RAP1GAP: variants seen among roughly 807,000 people sequenced by gnomAD.
The protein encoded by RAP1GAP is RAP1 GTPase activating protein.
A neutral mutation model predicts 87.2 loss-of-function variants in RAP1GAP; 35 were observed. The observed-to-expected ratio is 0.40, with a 90% CI of 0.31 to 0.53. RAP1GAP has a LOEUF of 0.53. Among genes scored for constraint, RAP1GAP ranks in the 20% least tolerant of loss-of-function variants. The pLI, the probability that RAP1GAP is intolerant of heterozygous loss-of-function variation, is 0.48. For missense variants in RAP1GAP, 734 were observed against 898.9 expected (o/e 0.82, Z 2.35); for synonymous variants, 375 against 363.9 (o/e 1.03, Z -0.35).
At chr1:21,628,446 G>A (rs575790122) in intron 2 of RAP1GAP, among the ~76,000 whole-genome samples, 1 of 150,016 alleles carries the variant, frequency 6.7e-6, no homozygotes, top group South Asian at 2.1e-4. Flanking sequence ...CAGGCTGGGC[G>A]TGGTGGCTCA....
chr1:21,628,399 CTAAA>C, intron 2 of RAP1GAP, among the ~76,000 whole-genome samples: 1 of 49,348 alleles, frequency 2.0e-5, no homozygotes, highest in Non-Finnish European at 3.4e-5. Flanking sequence ...CCCATCTCTA[CTAAA>C]AAAAAAAAAA....
chr1:21,603,011 CAG>C lies in RAP1GAP; in HGVS notation c.1429-100_1429-99del. The C allele has an allele frequency of 1.2e-6, 1 of 826,378 alleles. No homozygotes were observed. The allele number at this position is 826,378 out of a possible 1,614,324, so 51.2% of individuals were successfully genotyped here. ...GATCCTGCTGCCCCAGGCCCTGAAG[CAG>C]AGTTGATGAGCAAGAAAGAACGAGA... is the stretch of plus-strand genomic sequence containing the variant. On this transcript the variant is annotated intron_variant, in intron 18 of 24. Transcript: ENST00000374765. The surrounding 1 kb of genome is among the most constrained non-coding windows in gnomAD (Gnocchi z 6.0).
chr1:21,611,880 A>C lies in RAP1GAP; in HGVS notation c.613-64T>G, dbSNP rs1444803626. The stretch of plus-strand genomic sequence containing the variant: ...TGAGAAGCCCCTGCCCTCTGTCCCT[A>C]CTTGGACCCAGAGAGGGCCGGAGGG... On this transcript the variant is annotated intron_variant, in intron 11 of 24. Coordinates refer to ENST00000374765, the MANE Select transcript of RAP1GAP (RefSeq NM_002885.4). The C allele has an allele frequency of 3.4e-5, 52 of 1,535,932 alleles. No homozygotes were observed. The Middle Eastern group carries it at 5.4e-4, about 16-fold the overall frequency.
intron 18 of RAP1GAP, 149 bp downstream of exon 18, chr1:21,605,917 A>T (rs1013583525): frequency 9.6e-6 from 10 of 1,042,414 alleles, no homozygotes; most frequent in Non-Finnish European, 1.1e-5. Flanking sequence ...CCTCCCATGG[A>T]AAGTAGTGGC....
chr1:21,651,751 C>T, intron 1 of RAP1GAP: 1 of 1,463,844 alleles, frequency 6.8e-7, no homozygotes, highest in Non-Finnish European at 9.0e-7. Flanking sequence ...CGCGCACGCG[C>T]CCCGCCCCGC....
At position 21,669,048 on chromosome 1, in the gene RAP1GAP, C is replaced by A. The variant is rs955330741; in HGVS notation, c.-149+206G>T. On this transcript the variant is annotated intron_variant, in intron 1 of 24. Transcript: ENST00000374765. This position sits in a 1 kb window ranked among gnomAD's most constrained non-coding sequence, Gnocchi z 5.6. ...AGCCGGCTCAGTCCAGGCCTCCCCCCACTTCTCCAGCTGCTGTCAAGACCG... is the reference window on the plus strand; with the variant it reads ...AGCCGGCTCAGTCCAGGCCTCCCCCAACTTCTCCAGCTGCTGTCAAGACCG... Among the ~76,000 whole-genome samples, 2 of 151,968 alleles carry A rather than the reference C, an allele frequency of 1.3e-5. No individual in the cohort carries two copies. Among genetic ancestry groups the A allele is most frequent in the Non-Finnish European group, 2.9e-5 (2 of 67,916 alleles).
At chr1:21,659,858 C>A (rs2097047172) in intron 1 of RAP1GAP, among the ~76,000 whole-genome samples, 1 of 152,190 alleles carries the variant, frequency 6.6e-6, no homozygotes, top group Non-Finnish European at 1.5e-5. Flanking sequence ...GTACAATCAT[C>A]TTCCCCATTT....
In RAP1GAP at chr1:21,659,070, A is replaced by AC. The variant is rs1229103931; in HGVS notation, c.-148-9275_-148-9274insG. ...CAGGCATGCACCATCAGGCCCAGCT[A>AC]ATTTTTGTATTTTTAGTAGAGTCGG... On this transcript the variant is annotated intron_variant, in intron 1 of 24. Transcript: ENST00000374765. Among the ~76,000 whole-genome samples, 59 of 151,386 alleles carry AC rather than the reference A, an allele frequency of 3.9e-4. 1 individual carries two copies. In the East Asian group the frequency reaches 0.011, roughly 29 times the overall value.
chr1:21,651,826 G>A, intron 1 of RAP1GAP: 2 of 1,200,820 alleles, frequency 1.7e-6, no homozygotes, highest in South Asian at 3.0e-5. Flanking sequence ...CGCTCATGGT[G>A]CCGCCGCCGC....
chr1:21,660,006 G>A (rs541673877), intron 1 of RAP1GAP, among the ~76,000 whole-genome samples: 4 of 152,102 alleles, frequency 2.6e-5, no homozygotes, highest in Admixed American at 6.5e-5. Flanking sequence ...CAGGGAAAAA[G>A]TCCTTCCAAC....
chr1:21,603,740 G>A lies in RAP1GAP; in HGVS notation c.1429-827C>T, dbSNP rs768971698. 2.2e-6 allele frequency: 3 copies of A among 1,376,904 alleles called. No homozygotes were observed. Among genetic ancestry groups the A allele is most frequent in the Non-Finnish European group, 3.1e-6 (3 of 968,094 alleles). The allele number at this position is 1,376,904 out of a possible 1,614,324, so 85.3% of individuals were successfully genotyped here. On this transcript the variant is annotated intron_variant, in intron 18 of 24. Coordinates refer to ENST00000374765, the MANE Select transcript of RAP1GAP (RefSeq NM_002885.4). The surrounding 1 kb of genome is among the most constrained non-coding windows in gnomAD (Gnocchi z 6.0). ...CCCTGGGGCCTGTCCCGGGGGCAGA[G>A]GGGCAACGTCCCCAATATGGCCTCC... is the stretch of plus-strand genomic sequence containing the variant.
At chr1:21,599,664 C>A in intron 20 of RAP1GAP, 47 bp from the exon 21 acceptor site, 1 of 1,576,642 alleles carries the variant, frequency 6.3e-7, no homozygotes. Flanking sequence ...CCGAGCCCCT[C>A]CTGGGCCAGG....
chr1:21,648,033 G>C lies in RAP1GAP; in HGVS notation c.-113+1728C>G, dbSNP rs140931214. On this transcript the variant is annotated intron_variant, in intron 2 of 24. Transcript: ENST00000374765. ...AATGGTCAAAATGGCCACCACTGAC[G>C]CATGGGCTGGAGTTAAGCGATGGCC... Among the ~76,000 whole-genome samples, 5 of 152,314 alleles carry C rather than the reference G, an allele frequency of 3.3e-5. No individual in the cohort carries two copies. In the East Asian group the frequency reaches 9.6e-4, roughly 29 times the overall value.
rs550750808 is a variant in RAP1GAP, at chr1:21,655,906, T to C, written c.-148-6110A>G. On this transcript the variant is annotated intron_variant, in intron 1 of 24. Coordinates refer to ENST00000374765, the MANE Select transcript of RAP1GAP (RefSeq NM_002885.4). ...CTGGGAAGATCTCAGGTCTGGGCTC[T>C]AGGTGGGGCTGGTGGAGCCAACACT... Among the ~76,000 whole-genome samples the C allele has an allele frequency of 3.3e-5, 5 of 152,302 alleles. No individual in the cohort carries two copies. In the East Asian group the frequency reaches 7.7e-4, roughly 24 times the overall value.
At chr1:21,620,388 A>T (rs72660329) in intron 3 of RAP1GAP, among the ~76,000 whole-genome samples, 3,534 of 152,240 alleles carry the variant, frequency 0.023, 61 homozygotes, top group Non-Finnish European at 0.034. Context: ...CTGGATCCCC[A>T]GGAGGGGTCT....
Position 21,652,177 on chromosome 1 carries a change from C to T in RAP1GAP, c.-148-2381G>A, listed in dbSNP as rs559925000. On this transcript the variant is annotated intron_variant, in intron 1 of 24. Coordinates refer to ENST00000374765, the MANE Select transcript of RAP1GAP (RefSeq NM_002885.4). ...TGGAGGGACGCCCTCCTCCCGCCCCCTCGAGCCGCCGCGCTCCTCGGCGGA... is the reference window on the plus strand; with the variant it reads ...TGGAGGGACGCCCTCCTCCCGCCCCTTCGAGCCGCCGCGCTCCTCGGCGGA... 2.6e-3 allele frequency among the ~76,000 whole-genome samples: 387 copies of T among 151,632 alleles called. 1 individual carries two copies. Among genetic ancestry groups the T allele is most frequent in the African/African-American group, 9.0e-3 (372 of 41,436 alleles).
chr1:21,624,785 A>G (rs959637205), intron 3 of RAP1GAP, among the ~76,000 whole-genome samples: 1 of 152,172 alleles, frequency 6.6e-6, no homozygotes, highest in African/African-American at 2.4e-5. Context: ...CAGCTTTTCA[A>G]TAATCCGAGA....
chr1:21,608,362 G>T lies in RAP1GAP; in HGVS notation c.1159-12C>A, dbSNP rs1162743979. The stretch of plus-strand genomic sequence containing the variant: ...GCCCGCGTCCGCTCCTGTGGGCCAG[G>T]CCCGGGCCGTCAGGAGGGACCCCAA... On this transcript the variant is annotated splice_polypyrimidine_tract_variant and intron_variant, in intron 16 of 24. Coordinates refer to ENST00000374765, the MANE Select transcript of RAP1GAP (RefSeq NM_002885.4). The T allele has an allele frequency of 1.2e-6, 2 of 1,610,654 alleles. No homozygotes were observed. The highest frequency in any genetic ancestry group is 1.3e-5 in the African/African-American group (1 of 74,866).
rs756584275 is a variant in RAP1GAP, at chr1:21,626,322, A to G, written c.-37T>C. ...CACTTACCTTAGGGTAGAGTGAAGG[A>G]GTATAGGAGGGAACTAAGTTCACTC... On this transcript the variant is annotated 5_prime_UTR_variant, in exon 3 of 25. Transcript: ENST00000374765. 1.9e-5 allele frequency: 31 copies of G among 1,609,504 alleles called. No individual in the cohort carries two copies. The highest frequency in any genetic ancestry group is 2.6e-5 in the Non-Finnish European group (31 of 1,176,090).
Sources: gnomAD v4.1 joint callset for allele counts (sites outside exome capture counted in the v4.1 genomes callset) on GRCh38, gnomAD v4.1.1 for gene constraint, Gnocchi (gnomAD v3.1) non-coding constraint, MANE v1.5 for transcripts, NCBI Gene and HGNC (gene_info 2026-07-23, HGNC 2026-07-21) for gene names.